The following RPS6KA1 variants were observed in gnomAD, a reference collection of about 807,000 sequenced individuals.
RPS6KA1 encodes the protein ribosomal protein S6 kinase A1, also known as ribosomal protein S6 kinase alpha-1.
RPS6KA1 carries 48 observed loss-of-function variants against 91.3 expected under a neutral mutation model. That is an observed-to-expected ratio of 0.53 (90% CI 0.42 to 0.67). The LOEUF is 0.67. Ranked by LOEUF, RPS6KA1 falls within the 30% of genes least tolerant of loss-of-function variation. The pLI is 0.00. For missense variants in RPS6KA1, 719 were observed against 960.5 expected, an observed-to-expected ratio of 0.75 and a Z score of 3.32; for synonymous variants, 359 against 384.7, an observed-to-expected ratio of 0.93 and a Z score of 0.78.
In RPS6KA1 at chr1:26,558,305, C is replaced by G. The variant is rs1400374897; in HGVS notation, c.1085-502C>G. Among the ~76,000 whole-genome samples the G allele has an allele frequency of 6.6e-6, 1 of 152,094 alleles. No individual in the cohort carries two copies. Among genetic ancestry groups the G allele is most frequent in the African/African-American group, 2.4e-5 (1 of 41,420 alleles). On this transcript the variant is annotated intron_variant, in intron 13 of 21. Transcript: ENST00000374168. The surrounding 1 kb of genome is among the most constrained non-coding windows in gnomAD (Gnocchi z 4.0). ...CAGTGTGTGCAAGGGCTCAGAGACCCCTCTAAGGATCTGAGAAGTCCAACA... is the reference window on the plus strand; with the variant it reads ...CAGTGTGTGCAAGGGCTCAGAGACCGCTCTAAGGATCTGAGAAGTCCAACA...
At position 26,555,726 on chromosome 1, in the gene RPS6KA1, T is replaced by C; in HGVS notation, c.916+101T>C. Reference sequence around the variant, plus strand: ...ACATCTGGGCTGAAAGGGGCCGTTGTCCTTTGTGTGGGCAGACAATGCCGC... The same window carrying C: ...ACATCTGGGCTGAAAGGGGCCGTTGCCCTTTGTGTGGGCAGACAATGCCGC... On this transcript the variant is annotated intron_variant, in intron 11 of 21. Transcript: ENST00000374168. The surrounding 1 kb of genome is among the most constrained non-coding windows in gnomAD (Gnocchi z 4.3). The C allele has an allele frequency of 8.4e-7, 1 of 1,184,576 alleles. No individual in the cohort carries two copies. The highest frequency in any genetic ancestry group is 1.2e-6 in the Non-Finnish European group (1 of 816,456). The allele number at this position is 1,184,576 out of a possible 1,614,324, so 73.4% of individuals were successfully genotyped here.
At chr1:26,557,335 G>A (rs1471506061) in intron 13 of RPS6KA1, among the ~76,000 whole-genome samples, 2 of 152,122 alleles carry the variant, frequency 1.3e-5, no homozygotes, top group East Asian at 3.9e-4. Context: ...AGTGGGAGTG[G>A]GGATGTGTGG....
At chr1:26,569,815 C>T (rs1192843819) in intron 17 of RPS6KA1, among the ~76,000 whole-genome samples, 1 of 152,148 alleles carries the variant, frequency 6.6e-6, no homozygotes, top group East Asian at 1.9e-4. Flanking sequence ...GGGTTATGAT[C>T]GTTACCGAAG....
At position 26,551,362 on chromosome 1, in the gene RPS6KA1, T is replaced by C; in HGVS notation, c.308-35T>C. The stretch of plus-strand genomic sequence containing the variant: ...CTTGGGAGTGGCTGTGTTGAGTGTC[T>C]AGGCTACTGGTGACTTCCTTTCTCG... On this transcript the variant is annotated intron_variant, in intron 4 of 21. Transcript: ENST00000374168. This position sits in a 1 kb window ranked among gnomAD's most constrained non-coding sequence, Gnocchi z 4.5. The C allele has an allele frequency of 6.3e-7, 1 of 1,597,296 alleles. No individual in the cohort carries two copies. The highest frequency in any genetic ancestry group is 8.6e-7 in the Non-Finnish European group (1 of 1,165,026).
chr1:26,548,151 G>T (rs943698111), intron 4 of RPS6KA1, among the ~76,000 whole-genome samples: 2 of 152,158 alleles, frequency 1.3e-5, no homozygotes, highest in Non-Finnish European at 2.9e-5. Flanking sequence ...GGCCAGCCTG[G>T]TGGGTGTGGA....
chr1:26,558,889 C>T lies in RPS6KA1; in HGVS notation c.1167C>T (p.Asp389=), dbSNP rs371215242. The change falls in exon 14 of 22, where the codon GAC becomes GAT. Residue 389 remains aspartate (D), a synonymous_variant. Transcript: ENST00000374168. The surrounding 1 kb of genome is among the most constrained non-coding windows in gnomAD (Gnocchi z 4.0). The stretch of plus-strand genomic sequence containing the variant: ...TCGTGGCCACCGGCCTGATGGAAGA[C>T]GACGGCAAGCCTCGTGCCCCGCAGG... ...FSFVATGLME[D]DGKPRAPQAP... is the part of the protein sequence containing the mutation. The T allele has an allele frequency of 5.0e-6, 8 of 1,613,674 alleles. No individual in the cohort carries two copies. Among genetic ancestry groups the T allele is most frequent in the South Asian group, 4.4e-5 (4 of 91,084 alleles).
rs962123144 is a variant in RPS6KA1, at chr1:26,573,108, G to A, written c.1948-116G>A. The A allele has an allele frequency of 5.5e-6, 6 of 1,090,168 alleles. No individual in the cohort carries two copies. The African/African-American group carries it at 6.2e-5, about 11-fold the overall frequency. The allele number at this position is 1,090,168 out of a possible 1,614,324, so 67.5% of individuals were successfully genotyped here. A position where few individuals can be genotyped will look rare whatever the true frequency, so the allele number is the denominator to read the frequency against. ...GAGCAGAGTGGAGAATGGATCCCAGGGGCTGCCGCAAGGGTTCAGGCGGGA... is the reference window on the plus strand; with the variant it reads ...GAGCAGAGTGGAGAATGGATCCCAGAGGCTGCCGCAAGGGTTCAGGCGGGA... On this transcript the variant is annotated intron_variant, in intron 20 of 21. Transcript: ENST00000374168.
intron 21 of RPS6KA1, 119 bp from the exon 22 acceptor site, chr1:26,573,956 AAAAC>A (rs2076273337): frequency 3.2e-6 from 4 of 1,236,428 alleles, no homozygotes; most frequent in Non-Finnish European, 1.1e-6. Flanking sequence ...AAAAACAACA[AAAAC>A]AAAACCAAAA....
intron 12 of RPS6KA1, 41 bp from the exon 13 acceptor site, chr1:26,556,957 G>T (rs574944306): frequency 6.7e-7 from 1 of 1,492,698 alleles, no homozygotes; most frequent in African/African-American, 1.4e-5. Context: ...GTGGGCTGTT[G>T]AGGATGCCAT....
chr1:26,549,858 C>T (rs934038885), intron 4 of RPS6KA1, among the ~76,000 whole-genome samples: 5 of 149,502 alleles, frequency 3.3e-5, no homozygotes, highest in African/African-American at 7.4e-5. Flanking sequence ...CATGCCACCA[C>T]GCCTGGCTAA....
In RPS6KA1 at chr1:26,554,816, G is replaced by A; in HGVS notation, c.756+78G>A. ...TCCCTATCTGTACAGTGAGGGGGTT[G>A]ATCATTTCTAGGGCTCTCCCCGTCT... On this transcript the variant is annotated intron_variant, in intron 9 of 21. Transcript: ENST00000374168. This position sits in a 1 kb window ranked among gnomAD's most constrained non-coding sequence, Gnocchi z 4.6. The A allele has an allele frequency of 2.0e-6, 3 of 1,504,516 alleles. No homozygotes were observed. The highest frequency in any genetic ancestry group is 2.7e-6 in the Non-Finnish European group (3 of 1,115,704). The allele number at this position is 1,504,516 out of a possible 1,614,324, so 93.2% of individuals were successfully genotyped here.
chr1:26,552,215 C>G (rs889796735), intron 6 of RPS6KA1, among the ~76,000 whole-genome samples: 14 of 151,886 alleles, frequency 9.2e-5, no homozygotes, highest in Admixed American at 3.9e-4. Flanking sequence ...TGGTGAAACC[C>G]CGTCTCTACT....
chr1:26,564,949 C>T (rs372299442), intron 17 of RPS6KA1, among the ~76,000 whole-genome samples: 1 of 152,276 alleles, frequency 6.6e-6, no homozygotes, highest in Admixed American at 6.5e-5. Flanking sequence ...CCAGTGTACC[C>T]GTGGGTCACC....
intron 17 of RPS6KA1, among the ~76,000 whole-genome samples, chr1:26,568,020 G>T (rs1244116053): frequency 6.6e-6 from 1 of 152,184 alleles, no homozygotes; most frequent in East Asian, 1.9e-4. Flanking sequence ...TCCAGTGCCT[G>T]CATTTGGCCT....
Position 26,551,400 on chromosome 1 carries a change from G to A in RPS6KA1, c.311G>A (p.Arg104His), listed in dbSNP as rs373103051. The A allele has an allele frequency of 6.2e-7, 1 of 1,614,124 alleles. No homozygotes were observed. Among genetic ancestry groups the A allele is most frequent in the Non-Finnish European group, 8.5e-7 (1 of 1,179,974 alleles). ...KVLKKATLKV[R>H]DRVRTKMERD... The stretch of plus-strand genomic sequence containing the variant: ...ACTTCCTTTCTCGTCTGGCCAGTAC[G>A]TGACCGCGTCCGGACCAAGATGGAG... Residue 104 changes from arginine (R) to histidine (H), a missense_variant, in exon 5 of 22, where the codon CGT becomes CAT. Transcript: ENST00000374168. The surrounding 1 kb of genome is among the most constrained non-coding windows in gnomAD (Gnocchi z 4.5).
intron 17 of RPS6KA1, among the ~76,000 whole-genome samples, chr1:26,566,507 G>T (rs1329694954): frequency 6.6e-6 from 1 of 151,798 alleles, no homozygotes; most frequent in African/African-American, 2.4e-5. Flanking sequence ...AACTGTTCTC[G>T]AACTCCTGAC....
chr1:26,554,753 A>G lies in RPS6KA1; in HGVS notation c.756+15A>G, dbSNP rs758728320. 15 of 1,587,604 alleles carry G rather than the reference A, an allele frequency of 9.4e-6. No individual in the cohort carries two copies. The highest frequency in any genetic ancestry group is 1.3e-5 in the Non-Finnish European group (15 of 1,160,826). On this transcript the variant is annotated intron_variant, in intron 9 of 21. Transcript: ENST00000374168. This position sits in a 1 kb window ranked among gnomAD's most constrained non-coding sequence, Gnocchi z 4.6. ...GGGTGTTGATGGTGAGTGCCCAGACAGGGGTAAAGGATCCAGCCCAAGCCT... is the reference window on the plus strand; with the variant it reads ...GGGTGTTGATGGTGAGTGCCCAGACGGGGGTAAAGGATCCAGCCCAAGCCT...
At position 26,545,748 on chromosome 1, in the gene RPS6KA1, G is replaced by A. The variant is rs1055307432; in HGVS notation, c.109-1119G>A. On this transcript the variant is annotated intron_variant, in intron 2 of 21. Coordinates refer to ENST00000374168, the MANE Select transcript of RPS6KA1 (RefSeq NM_002953.4). ...GGAACGTGGTGAGGGTGTAGGCCTG[G>A]TGCTGGGAAACCACAGGCCCTGAGT... The A allele has an allele frequency of 1.3e-5, 14 of 1,108,354 alleles. No homozygotes were observed. In the Admixed American group the frequency reaches 2.9e-4, roughly 23 times the overall value. 68.7% of individuals were successfully genotyped at this position (1,108,354 alleles called of 1,614,324 possible).
At chr1:26,538,406 G>C (rs1042688951) in intron 2 of RPS6KA1, among the ~76,000 whole-genome samples, 3 of 152,170 alleles carry the variant, frequency 2.0e-5, no homozygotes, top group African/African-American at 7.2e-5. Flanking sequence ...AGAACTGGAG[G>C]AGCTTACTGG....
Sources: gnomAD v4.1 joint callset for allele counts (sites outside exome capture counted in the v4.1 genomes callset) on GRCh38, gnomAD v4.1.1 for gene constraint, Gnocchi (gnomAD v3.1) non-coding constraint, MANE v1.5 for transcripts, NCBI Gene and HGNC (gene_info 2026-07-23, HGNC 2026-07-21) for gene names.